IL20RB: variants seen among roughly 807,000 people sequenced by gnomAD.
IL20RB encodes the protein interleukin 20 receptor subunit beta.
In IL20RB, 21 loss-of-function variants were observed where a neutral mutation model predicts 33.3. The ratio of observed to expected loss-of-function variants is 0.63; its 90% CI spans 0.45 to 0.91. The LOEUF is 0.91. IL20RB is among the 40% of genes least tolerant of loss of function. IL20RB has a pLI of 0.00. For missense variants in IL20RB, 345 were observed against 384.8 expected, an observed-to-expected ratio of 0.90 and a Z score of 0.86; for synonymous variants, 147 against 146.8, an observed-to-expected ratio of 1.00 and a Z score of -0.01.
chr3:136,996,779 A>C (rs1056952997), intron 6 of IL20RB, among the ~76,000 whole-genome samples: 1 of 152,100 alleles, frequency 6.6e-6, no homozygotes, highest in Non-Finnish European at 1.5e-5. Context: ...CCTTTTTATC[A>C]GTTCCCCCTC....
At position 137,010,994 on chromosome 3, in the gene IL20RB, A is replaced by G. The variant is rs1187840108; in HGVS notation, c.*771A>G. ...CGACGAGAATGCAGAAGTCAGTAAC[A>G]TGTGCATGTTTGTTGTGCTCCTTTT... is the stretch of plus-strand genomic sequence containing the variant. On this transcript the variant is annotated 3_prime_UTR_variant, in exon 7 of 7. Transcript: ENST00000329582. The G allele has an allele frequency of 6.6e-6, 1 of 152,198 alleles. No individual in the cohort carries two copies. Among genetic ancestry groups the G allele is most frequent in the Non-Finnish European group, 1.5e-5 (1 of 68,044 alleles). The allele number at this position is 152,198 out of a possible 1,614,324, so 9.4% of individuals were successfully genotyped here. A position where few individuals can be genotyped will look rare whatever the true frequency, so the allele number is the denominator to read the frequency against.
At chr3:136,973,672 C>T (rs1355631650) in intron 1 of IL20RB, among the ~76,000 whole-genome samples, 2 of 152,012 alleles carry the variant, frequency 1.3e-5, no homozygotes, top group East Asian at 1.9e-4. Context: ...TAAAGTCCCC[C>T]ATCCCCAGTC....
intron 3 of IL20RB, among the ~76,000 whole-genome samples, chr3:136,983,383 C>T (rs906596503): frequency 5.9e-5 from 9 of 152,116 alleles, no homozygotes; most frequent in African/African-American, 2.2e-4. Context: ...CCATGGCGCC[C>T]GGCCGACCAG....
chr3:136,975,557 T>C (rs1398473962), intron 1 of IL20RB, among the ~76,000 whole-genome samples: 2 of 152,190 alleles, frequency 1.3e-5, no homozygotes, highest in Non-Finnish European at 2.9e-5. Flanking sequence ...CAGGATGGTC[T>C]TGATCTCTTG....
At chr3:137,007,174 G>A (rs1205273537) in intron 6 of IL20RB, among the ~76,000 whole-genome samples, 1 of 152,048 alleles carries the variant, frequency 6.6e-6, no homozygotes, top group Non-Finnish European at 1.5e-5. Flanking sequence ...GTCGCAGAGG[G>A]GCACCTGCCT....
In IL20RB at chr3:136,988,873, C is replaced by T. The variant is rs555358467; in HGVS notation, c.407-568C>T. Among the ~76,000 whole-genome samples, 8 of 152,312 alleles carry T rather than the reference C, an allele frequency of 5.3e-5. No homozygotes were observed. In the East Asian group the frequency reaches 1.5e-3, roughly 29 times the overall value. On this transcript the variant is annotated intron_variant, in intron 3 of 6. Coordinates refer to ENST00000329582, the MANE Select transcript of IL20RB (RefSeq NM_144717.4). ...ATGTGAAAGTTATCAGTAGCCAGTACATGCCACAGATCTGTGTGAGCTGTG... is the reference window on the plus strand; with the variant it reads ...ATGTGAAAGTTATCAGTAGCCAGTATATGCCACAGATCTGTGTGAGCTGTG...
At chr3:136,985,337 C>CT (rs35515236) in intron 3 of IL20RB, among the ~76,000 whole-genome samples, 2,099 of 137,254 alleles carry the variant, frequency 0.015, 54 homozygotes, top group African/African-American at 0.052. Context: ...CTCTCTCTCT[C>CT]TTTTTTTTTT....
chr3:136,960,459 A>G (rs940810105), intron 1 of IL20RB, among the ~76,000 whole-genome samples: 3 of 152,130 alleles, frequency 2.0e-5, no homozygotes, highest in Non-Finnish European at 4.4e-5. Context: ...GCTGTCTTTC[A>G]TAGAAATCAT....
chr3:137,005,764 AT>A (rs1182426615), intron 6 of IL20RB, among the ~76,000 whole-genome samples: 2 of 152,146 alleles, frequency 1.3e-5, no homozygotes, highest in Non-Finnish European at 2.9e-5. Context: ...GCCCTTTTAC[AT>A]TTAAGGTTAA....
intron 1 of IL20RB, chr3:136,959,579 T>C (rs938783870): frequency 3.9e-5 from 6 of 152,244 alleles, no homozygotes; most frequent in East Asian, 1.9e-4. Context: ...GGAGGCTGAA[T>C]GAGAAGAGGA....
At chr3:136,962,729 C>A (rs1315747838) in intron 1 of IL20RB, among the ~76,000 whole-genome samples, 4 of 140,668 alleles carry the variant, frequency 2.8e-5, no homozygotes, top group African/African-American at 8.0e-5. Context: ...TCCAGTCTGG[C>A]AACAGAGCAA....
At chr3:137,003,695 A>C (rs1942291864) in intron 6 of IL20RB, among the ~76,000 whole-genome samples, 2 of 152,180 alleles carry the variant, frequency 1.3e-5, no homozygotes, top group Non-Finnish European at 1.5e-5. Context: ...CTAAATATAC[A>C]ATCATGTCAT....
chr3:136,987,148 G>C (rs576785003), intron 3 of IL20RB, among the ~76,000 whole-genome samples: 35 of 151,816 alleles, frequency 2.3e-4, no homozygotes, highest in Admixed American at 1.9e-3. Context: ...CTGCTGGCTC[G>C]GGCAGCCTGC....
At chr3:136,989,882 C>A (rs1042572266) in intron 4 of IL20RB, among the ~76,000 whole-genome samples, 10 of 152,176 alleles carry the variant, frequency 6.6e-5, no homozygotes, top group Non-Finnish European at 1.5e-4. Context: ...CCCTCATCAG[C>A]TCATCTCCTC....
At chr3:136,998,800 G>C (rs1178949313) in intron 6 of IL20RB, among the ~76,000 whole-genome samples, 1 of 152,184 alleles carries the variant, frequency 6.6e-6, no homozygotes, top group Non-Finnish European at 1.5e-5. Flanking sequence ...GGGATGACAT[G>C]TGCGAGAGCC....
chr3:136,996,781 T>A (rs569132229), intron 6 of IL20RB, among the ~76,000 whole-genome samples: 2 of 152,298 alleles, frequency 1.3e-5, no homozygotes, highest in South Asian at 4.1e-4. Flanking sequence ...TTTTTATCAG[T>A]TCCCCCTCCA....
intron 5 of IL20RB, among the ~76,000 whole-genome samples, chr3:136,993,729 A>G (rs915844983): frequency 2.0e-5 from 3 of 152,040 alleles, no homozygotes; most frequent in African/African-American, 7.2e-5. Flanking sequence ...TCATTTTTAA[A>G]GAGCCAGGTG....
chr3:136,976,115 G>A (rs868798197), intron 1 of IL20RB, among the ~76,000 whole-genome samples: 26 of 152,362 alleles, frequency 1.7e-4, no homozygotes, highest in Admixed American at 1.5e-3. Context: ...TGGCAGCTGA[G>A]AGTTTAGGCC....
rs1237466605 is a variant in IL20RB at position 136,982,103 on chromosome 3, T to C, written c.216-57T>C. Reference sequence around the variant, plus strand: ...GAACGAAGTCAGTTACTTGCAACCATAACTGAGCCTGTGTCAGAGGGGCTG... The same window carrying C: ...GAACGAAGTCAGTTACTTGCAACCACAACTGAGCCTGTGTCAGAGGGGCTG... On this transcript the variant is annotated intron_variant, in intron 2 of 6. Coordinates refer to ENST00000329582, the MANE Select transcript of IL20RB (RefSeq NM_144717.4). The C allele has an allele frequency of 1.3e-5, 17 of 1,331,174 alleles. No homozygotes were observed. In the Admixed American group the frequency reaches 3.8e-4, roughly 30 times the overall value. 82.5% of individuals were successfully genotyped at this position (1,331,174 alleles called of 1,614,324 possible). A position where few individuals can be genotyped will look rare whatever the true frequency, so the allele number is the denominator to read the frequency against.
Sources: gnomAD v4.1 joint callset for allele counts (sites outside exome capture counted in the v4.1 genomes callset) on GRCh38, gnomAD v4.1.1 for gene constraint, MANE v1.5 for transcripts, NCBI Gene and HGNC (gene_info 2026-07-23, HGNC 2026-07-21) for gene names.